The following FRMD6 variants were observed in gnomAD, a reference collection of about 807,000 sequenced individuals.
FRMD6 encodes the protein FERM domain-containing protein 6.
A neutral mutation model predicts 73.2 loss-of-function variants in FRMD6; 37 were observed. That is an observed-to-expected ratio of 0.51 (90% CI 0.39 to 0.66). FRMD6 has a LOEUF of 0.66. Ranked by LOEUF, FRMD6 falls within the 30% of genes least tolerant of loss-of-function variation. FRMD6 has a pLI of 0.00. For missense variants in FRMD6, 714 were observed against 780.5 expected (o/e 0.91, Z 1.02); for synonymous variants, 273 against 282.2 (o/e 0.97, Z 0.33).
chr14:51,690,094 C>G (rs954113848), intron 2 of FRMD6, among the ~76,000 whole-genome samples, 159 bp downstream of exon 2: 1 of 152,184 alleles, frequency 6.6e-6, no homozygotes, highest in Admixed American at 6.5e-5. Context: ...ATTAACTTAG[C>G]TTTGTGGCTT....
intron 2 of FRMD6, among the ~76,000 whole-genome samples, chr14:51,595,183 C>T (rs151129145): frequency 3.9e-5 from 6 of 152,256 alleles, no homozygotes; most frequent in Non-Finnish European, 7.4e-5. Flanking sequence ...TTGAGAGCGA[C>T]CCGTCTTGCC....
At chr14:51,626,918 A>C (rs987218459) in intron 2 of FRMD6, among the ~76,000 whole-genome samples, 1 of 152,266 alleles carries the variant, frequency 6.6e-6, no homozygotes, top group African/African-American at 2.4e-5. Context: ...CAGGGAAAAA[A>C]GAAATCTATG....
chr14:51,460,457 C>T, the FRMD6 span, among the ~76,000 whole-genome samples: 1 of 152,102 alleles, frequency 6.6e-6, no homozygotes, highest in South Asian at 2.1e-4. Context: ...AAAATAGATT[C>T]CTAAAAGTAT....
intron 2 of FRMD6, among the ~76,000 whole-genome samples, chr14:51,598,943 G>C (rs189286026): frequency 2.0e-5 from 3 of 151,102 alleles, no homozygotes; most frequent in African/African-American, 4.9e-5. Flanking sequence ...ATGTAGCTCT[G>C]TTTTAAGTTC....
intron 2 of FRMD6, among the ~76,000 whole-genome samples, chr14:51,632,513 C>T (rs1330753337): frequency 1.3e-5 from 2 of 152,184 alleles, no homozygotes; most frequent in Non-Finnish European, 2.9e-5. Context: ...AAAACTTAAT[C>T]TCAGAAATCT....
the FRMD6 span, among the ~76,000 whole-genome samples, chr14:51,420,014 A>G: frequency 5.7e-4 from 83 of 145,202 alleles, no homozygotes; most frequent in Admixed American, 1.4e-3. Context: ...AGGTGTAGTC[A>G]TGTGACTTCC....
At chr14:51,682,000 G>T (rs895706472) in intron 1 of FRMD6, among the ~76,000 whole-genome samples, 2 of 152,130 alleles carry the variant, frequency 1.3e-5, no homozygotes, top group Non-Finnish European at 2.9e-5. Flanking sequence ...ACACATTGTG[G>T]TCTTTAATAA....
At chr14:51,429,186 C>A in the FRMD6 span, among the ~76,000 whole-genome samples, 1 of 152,166 alleles carries the variant, frequency 6.6e-6, no homozygotes, top group African/African-American at 2.4e-5. Context: ...CAGCTGCCAG[C>A]TAAATGCCAC....
the FRMD6 span, among the ~76,000 whole-genome samples, chr14:51,482,259 G>T: frequency 6.6e-6 from 1 of 152,122 alleles, no homozygotes; most frequent in Non-Finnish European, 1.5e-5. Flanking sequence ...TTAAGACTGG[G>T]GCTTATGTCA....
At chr14:51,704,598 G>T in intron 5 of FRMD6, 151 bp from the exon 6 acceptor site, 1 of 627,824 alleles carries the variant, frequency 1.6e-6, no homozygotes, top group Admixed American at 3.0e-5. Context: ...TCAGATATTA[G>T]CTACAACCGC....
rs1897443745 is a variant in FRMD6, at chr14:51,719,994, A to G, written c.1025-61A>G. 2.3e-6 allele frequency: 3 copies of G among 1,311,610 alleles called. No individual in the cohort carries two copies. The South Asian group carries it at 4.1e-5, about 18-fold the overall frequency. 81.2% of individuals were successfully genotyped at this position (1,311,610 alleles called of 1,614,324 possible). A position where few individuals can be genotyped will look rare whatever the true frequency, so the allele number is the denominator to read the frequency against. On this transcript the variant is annotated intron_variant, in intron 10 of 13. Coordinates refer to ENST00000344768, the MANE Select transcript of FRMD6 (RefSeq NM_001267046.2). ...ATCCTTGTTCTTGGCCTGATGAGTC[A>G]CTTAAGCTCACCAGCCGTTCCTTCT...
intron 2 of FRMD6, among the ~76,000 whole-genome samples, chr14:51,695,921 C>T (rs888231759): frequency 2.6e-5 from 4 of 151,860 alleles, no homozygotes; most frequent in South Asian, 4.2e-4. Flanking sequence ...GGGATCTTGG[C>T]GTGTCTTTAT....
At chr14:51,442,941 C>T in the FRMD6 span, among the ~76,000 whole-genome samples, 5 of 152,194 alleles carry the variant, frequency 3.3e-5, no homozygotes, top group African/African-American at 1.2e-4. Context: ...GCAGAAATCA[C>T]CAGTGCCTGG....
At chr14:51,399,230 TC>T in the FRMD6 span, among the ~76,000 whole-genome samples, 1 of 152,202 alleles carries the variant, frequency 6.6e-6, no homozygotes, top group Non-Finnish European at 1.5e-5. Context: ...CAGCAGGTCT[TC>T]CTTCTCCTCC....
chr14:51,589,543 A>C (rs1437710201), intron 2 of FRMD6, among the ~76,000 whole-genome samples: 2 of 151,982 alleles, frequency 1.3e-5, no homozygotes, highest in Non-Finnish European at 2.9e-5. Flanking sequence ...TCACATACAC[A>C]AAACACTCTC....
intron 1 of FRMD6, among the ~76,000 whole-genome samples, chr14:51,687,087 C>T (rs7140365): frequency 0.39 from 59,565 of 151,992 alleles, 11,816 homozygotes; most frequent in African/African-American, 0.46. Context: ...CAGTCATCTT[C>T]TGTGCTGCAT....
At chr14:51,551,212 A>C (rs2139437528) in intron 1 of FRMD6, among the ~76,000 whole-genome samples, 1 of 152,314 alleles carries the variant, frequency 6.6e-6, no homozygotes, top group South Asian at 2.1e-4. Context: ...AAAACACCGG[A>C]ATCCAGAAGG....
rs377746399 is a variant in FRMD6, at chr14:51,715,584, C to G, written c.1024+85C>G. 5.2e-5 allele frequency: 62 copies of G among 1,193,000 alleles called. 2 individuals carry two copies. Among genetic ancestry groups the G allele is most frequent in the East Asian group, 4.8e-4 (19 of 39,324 alleles). 73.9% of individuals were successfully genotyped at this position (1,193,000 alleles called of 1,614,324 possible). On this transcript the variant is annotated intron_variant, in intron 10 of 13. Coordinates refer to ENST00000344768, the MANE Select transcript of FRMD6 (RefSeq NM_001267046.2). ...TCTGAATGGGGGTTTTGAGCTCCTA[C>G]AGAATTGGATTTTGGGACTGGGACA...
intron 1 of FRMD6, among the ~76,000 whole-genome samples, chr14:51,567,264 T>G (rs1001986473): frequency 6.6e-6 from 1 of 152,212 alleles, no homozygotes; most frequent in Non-Finnish European, 1.5e-5. Context: ...TTGAAACGAG[T>G]GAAGGTCAAA....
Sources: allele counts gnomAD v4.1 joint callset (sites outside exome capture counted in the v4.1 genomes callset), GRCh38; gene constraint gnomAD v4.1.1; transcripts MANE v1.5; gene names NCBI Gene and HGNC (gene_info 2026-07-23, HGNC 2026-07-21).